Variants in PLA2G4A observed in about 807,000 individuals in gnomAD.
PLA2G4A encodes the protein cytosolic phospholipase A2.
In PLA2G4A, 40 loss-of-function variants were observed where a neutral mutation model predicts 81.9. The ratio of observed to expected loss-of-function variants is 0.49; its 90% CI spans 0.38 to 0.64. PLA2G4A has a LOEUF of 0.64. PLA2G4A is among the 30% of genes least tolerant of loss of function. The pLI is 0.00. For synonymous variants in PLA2G4A, 302 were observed against 296.9 expected, an observed-to-expected ratio of 1.02 and a Z score of -0.18; for missense variants, 715 against 905.1, an observed-to-expected ratio of 0.79 and a Z score of 2.69.
rs542890862 is a variant in PLA2G4A at position 186,983,083 on chromosome 1, C to CAA, written c.2118+3626_2118+3627dup. Among the ~76,000 whole-genome samples, 262 of 99,026 alleles carry CAA rather than the reference C, an allele frequency of 2.6e-3. 1 individual carries two copies. Among genetic ancestry groups the CAA allele is most frequent in the African/African-American group, 6.1e-3 (185 of 30,296 alleles). The allele number at this position is 99,026 out of a possible 152,430, so 65.0% of individuals were successfully genotyped here. On this transcript the variant is annotated intron_variant, in intron 17 of 17. Transcript: ENST00000367466. ...TGGGTGACAGAGCAAGAGTCTGTCTCAAAAAAAAAAAAAAAAGAAAAGAAA... is the reference window on the plus strand; with the variant it reads ...TGGGTGACAGAGCAAGAGTCTGTCTCAAAAAAAAAAAAAAAAAAGAAAAGAAA...
chr1:186,939,443 G>A (rs1349938548), intron 9 of PLA2G4A, among the ~76,000 whole-genome samples: 2 of 149,292 alleles, frequency 1.3e-5, no homozygotes, highest in African/African-American at 2.4e-5. Flanking sequence ...TTTCAATGAT[G>A]TAAAGATTTT....
chr1:186,985,936 T>G (rs910545575), intron 17 of PLA2G4A, among the ~76,000 whole-genome samples: 1 of 152,238 alleles, frequency 6.6e-6, no homozygotes, highest in Non-Finnish European at 1.5e-5. Flanking sequence ...TATGTAGTTG[T>G]ATCATGTAGG....
chr1:186,842,816 C>G (rs1023073835), intron 1 of PLA2G4A, among the ~76,000 whole-genome samples: 3 of 152,200 alleles, frequency 2.0e-5, no homozygotes, highest in Non-Finnish European at 4.4e-5. Flanking sequence ...ATTGTTTAAG[C>G]CACTCGGTCT....
At chr1:186,887,738 C>A (rs993383580) in intron 3 of PLA2G4A, among the ~76,000 whole-genome samples, 14 of 152,102 alleles carry the variant, frequency 9.2e-5, no homozygotes, top group Non-Finnish European at 2.1e-4. Flanking sequence ...TTAACTTTTT[C>A]TTTAATTCAT....
chr1:186,937,947 T>G (rs1656013846), intron 8 of PLA2G4A, among the ~76,000 whole-genome samples: 1 of 152,090 alleles, frequency 6.6e-6, no homozygotes, highest in South Asian at 2.1e-4. Flanking sequence ...TAAGAAGAAT[T>G]AGTTTTCTCC....
At chr1:186,954,778 G>A (rs56320434) in intron 13 of PLA2G4A, among the ~76,000 whole-genome samples, 32,088 of 151,904 alleles carry the variant, frequency 0.21, 3,929 homozygotes, top group Admixed American at 0.33. Context: ...GAAAAAAACG[G>A]GGTTTAGGCA....
intron 5 of PLA2G4A, among the ~76,000 whole-genome samples, chr1:186,897,437 A>T (rs1654371500): frequency 1.3e-5 from 2 of 152,138 alleles, no homozygotes; most frequent in African/African-American, 4.8e-5. Flanking sequence ...AATTTTTCTA[A>T]GCTCCTAATT....
intron 2 of PLA2G4A, among the ~76,000 whole-genome samples, chr1:186,860,269 A>G (rs562494788): frequency 3.9e-5 from 6 of 152,130 alleles, no homozygotes; most frequent in Non-Finnish European, 8.8e-5. Context: ...GGCTCACACA[A>G]TTATGGAGGC....
At chr1:186,849,497 T>G (rs1652298693) in intron 1 of PLA2G4A, among the ~76,000 whole-genome samples, 1 of 152,040 alleles carries the variant, frequency 6.6e-6, no homozygotes, top group African/African-American at 2.4e-5. Context: ...AGTAGTTGCC[T>G]AAGAGGTTCA....
intron 13 of PLA2G4A, among the ~76,000 whole-genome samples, chr1:186,952,027 AT>A (rs1656578845): frequency 6.6e-6 from 1 of 152,088 alleles, no homozygotes; most frequent in African/African-American, 2.4e-5. Context: ...TGGCTCCTTC[AT>A]TTTTAAAATT....
chr1:186,914,798 G>T (rs1655081816), intron 7 of PLA2G4A, among the ~76,000 whole-genome samples: 1 of 152,046 alleles, frequency 6.6e-6, no homozygotes, highest in Non-Finnish European at 1.5e-5. Context: ...GGTAGAAATT[G>T]GGCATAAGAC....
chr1:186,851,703 A>G (rs1652379508), intron 1 of PLA2G4A, among the ~76,000 whole-genome samples: 1 of 152,048 alleles, frequency 6.6e-6, no homozygotes, highest in South Asian at 2.1e-4. Flanking sequence ...TATAAATTTA[A>G]CTATAAATAC....
chr1:186,874,337 C>T (rs1215731078), intron 3 of PLA2G4A, among the ~76,000 whole-genome samples: 1 of 150,736 alleles, frequency 6.6e-6, no homozygotes, highest in African/African-American at 2.4e-5. Flanking sequence ...AAATAGCTGA[C>T]ACAAATGCAA....
Position 186,988,636 on chromosome 1 carries a change from A to G in PLA2G4A, c.*128A>G, listed in dbSNP as rs1052817303. ...GAGACTGGCTGATACTCAAAGTTGC[A>G]GTTACTTAGCTGCATGAGAATAATA... On this transcript the variant is annotated 3_prime_UTR_variant, in exon 18 of 18. Coordinates refer to ENST00000367466, the MANE Select transcript of PLA2G4A (RefSeq NM_024420.3). 2.5e-4 allele frequency: 201 copies of G among 809,070 alleles called. 2 individuals carry two copies. Among genetic ancestry groups the G allele is most frequent in the Non-Finnish European group, 3.4e-4 (160 of 468,442 alleles). The allele number at this position is 809,070 out of a possible 1,614,324, so 50.1% of individuals were successfully genotyped here. A position where few individuals can be genotyped will look rare whatever the true frequency, so the allele number is the denominator to read the frequency against.
At chr1:186,864,497 T>A (rs77191125) in intron 2 of PLA2G4A, among the ~76,000 whole-genome samples, 10 of 152,070 alleles carry the variant, frequency 6.6e-5, no homozygotes, top group Non-Finnish European at 1.5e-4. Context: ...GCAATTCTAG[T>A]TGGGATGAGG....
Position 186,893,167 on chromosome 1 carries a change from A to G in PLA2G4A, c.264+8A>G, listed in dbSNP as rs1489914132. 12 of 1,608,602 alleles carry G rather than the reference A, an allele frequency of 7.5e-6. No individual in the cohort carries two copies. The highest frequency in any genetic ancestry group is 1.0e-5 in the Non-Finnish European group (12 of 1,175,222). On this transcript the variant is annotated splice_region_variant and intron_variant, in intron 4 of 17. Coordinates refer to ENST00000367466, the MANE Select transcript of PLA2G4A (RefSeq NM_024420.3). ...CAGGAAAATGTTTTGGAGGTAAGTG[A>G]ACCATTTGGATGCTGTTAGATGGTT...
chr1:186,956,817 A>T (rs1656771611), intron 14 of PLA2G4A, among the ~76,000 whole-genome samples: 2 of 151,408 alleles, frequency 1.3e-5, no homozygotes, highest in African/African-American at 2.4e-5. Context: ...CCTGGCCTGG[A>T]TTTTTTTTTA....
chr1:186,912,681 G>A (rs1426284710), intron 7 of PLA2G4A, among the ~76,000 whole-genome samples: 1 of 118,614 alleles, frequency 8.4e-6, no homozygotes, highest in Non-Finnish European at 1.7e-5. Context: ...CCATTGTCTG[G>A]ATGTACCACA....
intron 10 of PLA2G4A, among the ~76,000 whole-genome samples, chr1:186,944,203 G>A (rs1354308254): frequency 1.3e-5 from 2 of 152,068 alleles, no homozygotes; most frequent in East Asian, 3.9e-4. Flanking sequence ...GAGTGTAAGG[G>A]CCCCAAAGGA....
Sources: gnomAD v4.1 joint callset for allele counts (sites outside exome capture counted in the v4.1 genomes callset) on GRCh38, gnomAD v4.1.1 for gene constraint, MANE v1.5 for transcripts, NCBI Gene and HGNC (gene_info 2026-07-23, HGNC 2026-07-21) for gene names.